The following CHFR variants were observed in gnomAD, a reference collection of about 807,000 sequenced individuals.
The protein encoded by CHFR is E3 ubiquitin-protein ligase CHFR.
In CHFR, 57 loss-of-function variants were observed where a neutral mutation model predicts 87.6. The ratio of observed to expected loss-of-function variants is 0.65; its 90% confidence interval spans 0.53 to 0.81. CHFR has a LOEUF of 0.81. Ranked by LOEUF, CHFR falls within the 30% of genes least tolerant of loss-of-function variation. The pLI, the probability that CHFR is intolerant of heterozygous loss-of-function variation, is 0.00. For synonymous variants in CHFR, 381 were observed against 359.2 expected (o/e 1.06, Z -0.69); for missense variants, 797 against 865.8 (o/e 0.92, Z 1.00).
intron 14 of CHFR, chr12:132,847,879 AT>A: frequency 2.1e-6 from 3 of 1,419,260 alleles, no homozygotes; most frequent in Non-Finnish European, 2.8e-6. Context: ...CGAAATACCT[AT>A]TTTTGGAATA....
At chr12:132,869,590 C>A in intron 6 of CHFR, 29 bp downstream of exon 6, 1 of 1,545,496 alleles carries the variant, frequency 6.5e-7, no homozygotes, top group Non-Finnish European at 8.8e-7. Context: ...ATGCAACCAG[C>A]ACCAAGACCT....
rs1422500887 is a variant in CHFR at position 132,847,125 on chromosome 12, G to A, written c.1653C>T (p.Tyr551=). 2.5e-6 allele frequency: 4 copies of A among 1,613,596 alleles called. No individual in the cohort carries two copies. In the South Asian group the frequency reaches 3.3e-5, roughly 13 times the overall value. The change falls in exon 15 of 18, where the codon TAC becomes TAT. Residue 551 remains tyrosine, a synonymous_variant. Coordinates refer to ENST00000450056, the MANE Select transcript of CHFR (RefSeq NM_001161346.2). ...TCCATGTCAAACCTCTGGTTGCCAGGTAATTCTGTGACGCAAAAAAAGAGA... is the reference window on the plus strand; with the variant it reads ...TCCATGTCAAACCTCTGGTTGCCAGATAATTCTGTGACGCAAAAAAAGAGA... ...NSYESDILKN[Y]LATRGLTWKN... is the part of the protein sequence containing the mutation.
rs540426488 is a variant in CHFR at position 132,877,628 on chromosome 12, T to C, written c.160A>G (p.Lys54Glu). Residue 54 changes from lysine (K) to glutamate (E), a missense_variant, in exon 3 of 18, where the codon AAA (lysine) becomes GAA (glutamate). This residue lies in a region of CHFR where 597 missense variants were observed against 601.2 expected (regional missense o/e 0.99). Transcript: ENST00000450056. ...RGCDLSFPSN[K>E]LVSGDHCRIV... ...CTACAGTGATCTCCAGAGACCAGTT[T>C]ATTGCTGGGGAAGGAAAGGTCGCAA... 1 of 1,613,418 alleles carries C rather than the reference T, an allele frequency of 6.2e-7. No individual in the cohort carries two copies. The highest frequency in any genetic ancestry group is 8.5e-7 in the Non-Finnish European group (1 of 1,179,704).
In CHFR at chr12:132,838,996, C is replaced by G. The variant is rs1950669319; in HGVS notation, c.*2558G>C. ...TCCGACTGCTCCAGGTAGAAATCCT[C>G]TTCACAGTGGGCCAGGAGTTGGACT... On this transcript the variant is annotated 3_prime_UTR_variant, in exon 18 of 18. Transcript: ENST00000450056. 1 of 152,340 alleles carries G rather than the reference C, an allele frequency of 6.6e-6. No individual in the cohort carries two copies. The allele number at this position is 152,340 out of a possible 1,614,324, so 9.4% of individuals were successfully genotyped here.
chr12:132,856,815 T>C, intron 9 of CHFR, 185 bp from the exon 10 acceptor site: 1 of 713,672 alleles, frequency 1.4e-6, no homozygotes, highest in Non-Finnish European at 2.5e-6. Flanking sequence ...GTGGATGCCC[T>C]CACGTGCCCG....
chr12:132,862,597 A>AT (rs545381751), intron 6 of CHFR, among the ~76,000 whole-genome samples: 41 of 147,216 alleles, frequency 2.8e-4, no homozygotes, highest in Admixed American at 4.1e-4. Flanking sequence ...GCAAGACCTC[A>AT]TTTTTTTTTT....
chr12:132,838,813 G>A lies in CHFR; in HGVS notation c.*2741C>T, dbSNP rs952631374. ...TCATGAAAAGACGGAATGAGTTCAC[G>A]GCCACCTGCTTCCATAAAACACAGC... is the stretch of plus-strand genomic sequence containing the variant. On this transcript the variant is annotated 3_prime_UTR_variant, in exon 18 of 18. Transcript: ENST00000450056. 6.6e-6 allele frequency: 1 copy of A among 152,234 alleles called. No individual in the cohort carries two copies. Among genetic ancestry groups the A allele is most frequent in the African/African-American group, 2.4e-5 (1 of 41,424 alleles). The allele number at this position is 152,234 out of a possible 1,614,324, so 9.4% of individuals were successfully genotyped here.
At chr12:132,886,806 G>A (rs913087268) in intron 2 of CHFR, among the ~76,000 whole-genome samples, 3 of 152,148 alleles carry the variant, frequency 2.0e-5, no homozygotes, top group African/African-American at 7.2e-5. Flanking sequence ...GGTCCCCGTT[G>A]TAAAGACTTA....
At chr12:132,879,018 T>G (rs1330659128) in intron 2 of CHFR, among the ~76,000 whole-genome samples, 1 of 149,148 alleles carries the variant, frequency 6.7e-6, no homozygotes, top group African/African-American at 2.5e-5. Flanking sequence ...TGTTTTTTTT[T>G]TTTTGAGATG....
chr12:132,859,142 C>T lies in CHFR; in HGVS notation c.837G>A (p.Ala279=), dbSNP rs746414469. The change falls in exon 8 of 18, where the codon GCG becomes GCA. Residue 279 remains alanine (A), a synonymous_variant. Transcript: ENST00000450056. ...AQTVHEDVRA[A]AGKPDKMEET... ...CCTCCATCTTGTCTGGCTTCCCAGC[C>T]GCTGCTCTGACGTCCTCGTGGACGG... 19 of 1,614,018 alleles carry T rather than the reference C, an allele frequency of 1.2e-5. No individual in the cohort carries two copies. The highest frequency in any genetic ancestry group is 5.0e-5 in the Admixed American group (3 of 59,996).
chr12:132,878,197 G>A (rs943729828), intron 2 of CHFR, among the ~76,000 whole-genome samples: 2 of 152,116 alleles, frequency 1.3e-5, no homozygotes, highest in African/African-American at 4.8e-5. Context: ...ACAGCCAGGC[G>A]CAGTGGCTCA....
At chr12:132,878,626 T>C (rs1951688651) in intron 2 of CHFR, among the ~76,000 whole-genome samples, 1 of 151,916 alleles carries the variant, frequency 6.6e-6, no homozygotes, top group South Asian at 2.1e-4. Flanking sequence ...GAGACCATCC[T>C]GGCTAACACA....
At position 132,841,635 on chromosome 12, in the gene CHFR, T is replaced by C. The variant is rs201381869; in HGVS notation, c.1917-39A>G. ...ATGGCCAAATTACACAAGAGAGCATTGGAGAGGCAATCAAATAAATTACAC... is the reference window on the plus strand; with the variant it reads ...ATGGCCAAATTACACAAGAGAGCATCGGAGAGGCAATCAAATAAATTACAC... On this transcript the variant is annotated intron_variant, in intron 17 of 17. Coordinates refer to ENST00000450056, the MANE Select transcript of CHFR (RefSeq NM_001161346.2). The C allele has an allele frequency of 5.2e-6, 8 of 1,532,788 alleles. No homozygotes were observed. In the East Asian group the frequency reaches 1.6e-4, roughly 30 times the overall value. 94.9% of individuals were successfully genotyped at this position (1,532,788 alleles called of 1,614,324 possible).
rs1593483032 is a variant in CHFR, at chr12:132,861,717, C to T, written c.584-83G>A. On this transcript the variant is annotated intron_variant, in intron 6 of 17. Transcript: ENST00000450056. ...GCCTGTAAGGTGTCACTGACTGGAG[C>T]CCAGTGCAGCTGGCAGCCTGAGATG... The T allele has an allele frequency of 5.3e-5, 70 of 1,314,534 alleles. 3 individuals are homozygous for T. In the South Asian group the frequency reaches 8.9e-4, roughly 17 times the overall value. 81.4% of individuals were successfully genotyped at this position (1,314,534 alleles called of 1,614,324 possible). A position where few individuals can be genotyped will look rare whatever the true frequency, so the allele number is the denominator to read the frequency against.
intron 12 of CHFR, among the ~76,000 whole-genome samples, chr12:132,850,867 A>G (rs1216651978): frequency 6.6e-6 from 1 of 152,038 alleles, no homozygotes; most frequent in Non-Finnish European, 1.5e-5. Context: ...CATAAAAAAA[A>G]GGCAAAGGAC....
intron 6 of CHFR, among the ~76,000 whole-genome samples, chr12:132,868,814 G>T (rs1313398160): frequency 4.9e-5 from 7 of 143,554 alleles, no homozygotes; most frequent in Non-Finnish European, 7.6e-5. Flanking sequence ...TGATGGGGCC[G>T]AGGGGAAGGG....
In CHFR at chr12:132,839,486, C is replaced by T. The variant is rs1465808749; in HGVS notation, c.*2068G>A. ...CTCACCCCTGCACTAAGGACCTCCC[C>T]TCTCAGCCTCGCCTCTGCACAAACT... is the stretch of plus-strand genomic sequence containing the variant. On this transcript the variant is annotated 3_prime_UTR_variant, in exon 18 of 18. Transcript: ENST00000450056. The T allele has an allele frequency of 5.0e-5, 8 of 161,288 alleles. No homozygotes were observed. Among genetic ancestry groups the T allele is most frequent in the Non-Finnish European group, 1.1e-4 (8 of 75,354 alleles). 10.0% of individuals were successfully genotyped at this position (161,288 alleles called of 1,614,324 possible). A position where few individuals can be genotyped will look rare whatever the true frequency, so the allele number is the denominator to read the frequency against.
rs1950637123 is a variant in CHFR, at chr12:132,835,180, T to C, written c.*6374A>G. ...AGGCTCAAGTGATCGGATACGGGTA[T>C]CTGTGGTGGCGGGACGGGGACATGG... is the stretch of plus-strand genomic sequence containing the variant. On this transcript the variant is annotated 3_prime_UTR_variant, in exon 18 of 18. Transcript: ENST00000450056. 1 of 152,336 alleles carries C rather than the reference T, an allele frequency of 6.6e-6. No homozygotes were observed. The allele number at this position is 152,336 out of a possible 1,614,324, so 9.4% of individuals were successfully genotyped here.
chr12:132,847,222 G>GAA, intron 14 of CHFR, 92 bp from the exon 15 acceptor site: 1 of 1,550,636 alleles, frequency 6.4e-7, no homozygotes, highest in Non-Finnish European at 8.7e-7. Flanking sequence ...AAAGGCCCCT[G>GAA]AAAGTGTGCA....
Sources: gnomAD v4.1 joint callset for allele counts (sites outside exome capture counted in the v4.1 genomes callset) on GRCh38, gnomAD v4.1.1 for gene constraint, gnomAD v4.1.1 regional missense constraint, MANE v1.5 for transcripts, NCBI Gene and HGNC (gene_info 2026-07-23, HGNC 2026-07-21) for gene names.